PLEKHM3: variants seen among roughly 807,000 people sequenced by gnomAD.
PLEKHM3 encodes the protein pleckstrin homology domain containing M3, also known as pleckstrin homology domain-containing family M member 3.
Under a neutral mutation model 81.8 loss-of-function variants are expected in PLEKHM3, and 45 were observed. The observed-to-expected ratio is 0.55, with a 90% CI of 0.43 to 0.71. PLEKHM3 has a LOEUF of 0.71. PLEKHM3 is among the 30% of genes least tolerant of loss of function. The pLI, the probability that PLEKHM3 is intolerant of heterozygous loss-of-function variation, is 0.00. For synonymous variants in PLEKHM3, 352 were observed against 356.4 expected (o/e 0.99, Z 0.14); for missense variants, 788 against 924.3 (o/e 0.85, Z 1.91).
chr2:207,847,064 C>T (rs1285695767), intron 7 of PLEKHM3, among the ~76,000 whole-genome samples: 2 of 152,220 alleles, frequency 1.3e-5, no homozygotes, highest in African/African-American at 2.4e-5. Flanking sequence ...ATGATCAATA[C>T]AATATTAACC....
At chr2:207,987,426 C>T (rs1691764795) in intron 2 of PLEKHM3, among the ~76,000 whole-genome samples, 1 of 152,154 alleles carries the variant, frequency 6.6e-6, no homozygotes, top group Non-Finnish European at 1.5e-5. Context: ...CCCTTGGTCT[C>T]GAGTAACAAC....
At position 207,976,887 on chromosome 2, in the gene PLEKHM3, C is replaced by T. The variant is rs765459423; in HGVS notation, c.1310G>A (p.Arg437Gln). The T allele has an allele frequency of 1.3e-5, 21 of 1,614,070 alleles. No homozygotes were observed. The highest frequency in any genetic ancestry group is 7.7e-5 in the South Asian group (7 of 91,086). Residue 437 changes from arginine (R) to glutamine (Q), a missense_variant, in exon 3 of 8, where the codon CGA (arginine) becomes CAA (glutamine). Arg to Gln is a conservative substitution (Grantham distance 43, BLOSUM62 1). Transcript: ENST00000427836. The surrounding 1 kb of genome is among the most constrained non-coding windows in gnomAD (Gnocchi z 4.1). ...VIFPQDVLRL[R>Q]AETRQRAQEW... is the part of the protein sequence containing the mutation. ...CTGAGCCCTCTGTCGGGTCTCAGCTCGGAGGCGAAGGACATCCTGGGGGAA... is the reference window on the plus strand; with the variant it reads ...CTGAGCCCTCTGTCGGGTCTCAGCTTGGAGGCGAAGGACATCCTGGGGGAA...
In PLEKHM3 at chr2:207,835,443, A is replaced by G. The variant is rs554181363; in HGVS notation, c.2109-6947T>C. 1.4e-4 allele frequency among the ~76,000 whole-genome samples: 21 copies of G among 152,260 alleles called. No homozygotes were observed. In the South Asian group the frequency reaches 4.4e-3, roughly 32 times the overall value. On this transcript the variant is annotated intron_variant, in intron 7 of 7. Transcript: ENST00000427836. ...GTAAAAGAGAAGCTTGGGTTAATCT[A>G]AAGTTTCTTCCAACTTGCAGATTTT...
intron 6 of PLEKHM3, among the ~76,000 whole-genome samples, chr2:207,887,717 T>C (rs991488882): frequency 2.0e-5 from 3 of 152,192 alleles, no homozygotes; most frequent in African/African-American, 7.2e-5. Flanking sequence ...TATATTAACA[T>C]ATCTAAGCTT....
intron 6 of PLEKHM3, among the ~76,000 whole-genome samples, chr2:207,862,668 T>C (rs1413902451): frequency 6.6e-6 from 1 of 151,950 alleles, no homozygotes; most frequent in Non-Finnish European, 1.5e-5. Flanking sequence ...AAAAAAATAG[T>C]ATCTGAGGGA....
chr2:207,837,022 C>T (rs937687248), intron 7 of PLEKHM3, among the ~76,000 whole-genome samples: 13 of 152,218 alleles, frequency 8.5e-5, no homozygotes, highest in African/African-American at 3.1e-4. Context: ...GCCCCCCATA[C>T]AGCCACTAGC....
At chr2:207,898,870 T>C (rs1197161500) in intron 6 of PLEKHM3, among the ~76,000 whole-genome samples, 1 of 152,098 alleles carries the variant, frequency 6.6e-6, no homozygotes, top group East Asian at 1.9e-4. Context: ...CACTCCAGCC[T>C]GGCCAGCAGA....
At chr2:207,866,455 C>A (rs752765754) in intron 6 of PLEKHM3, among the ~76,000 whole-genome samples, 1 of 152,000 alleles carries the variant, frequency 6.6e-6, no homozygotes, top group Admixed American at 6.6e-5. Flanking sequence ...CTGGGCCTGG[C>A]GAATTCTTAA....
In PLEKHM3 at chr2:207,963,217, C is replaced by T. The variant is rs540344092; in HGVS notation, c.1546+13434G>A. Among the ~76,000 whole-genome samples, 3 of 152,172 alleles carry T rather than the reference C, an allele frequency of 2.0e-5. No homozygotes were observed. The East Asian group carries it at 5.8e-4, about 29-fold the overall frequency. On this transcript the variant is annotated intron_variant, in intron 3 of 7. Coordinates refer to ENST00000427836, the MANE Select transcript of PLEKHM3 (RefSeq NM_001080475.3). ...GGGGGTCGTGCTGGGGATGGCAATA[C>T]TCTGAGGAAGCAACTGCATATGCAA...
intron 1 of PLEKHM3, among the ~76,000 whole-genome samples, chr2:208,018,667 T>C (rs1486914128): frequency 6.6e-6 from 1 of 152,144 alleles, no homozygotes; most frequent in East Asian, 1.9e-4. Flanking sequence ...ATCACCACCA[T>C]CCAGTCTTCT....
rs911763944 is a variant in PLEKHM3, at chr2:208,022,676, C to T, written c.-319+2713G>A. On this transcript the variant is annotated intron_variant, in intron 1 of 7. Transcript: ENST00000427836. ...GAAGCCGCAACACAGTATGTTGAGT[C>T]CTTCCCCTACTTTAAGTCTCTCCAA... 2.0e-5 allele frequency among the ~76,000 whole-genome samples: 3 copies of T among 152,200 alleles called. 1 individual carries two copies. The highest frequency in any genetic ancestry group is 4.8e-5 in the African/African-American group (2 of 41,446).
chr2:207,828,684 T>C (rs1323756975), intron 7 of PLEKHM3, among the ~76,000 whole-genome samples, 188 bp from the exon 8 acceptor site: 1 of 152,220 alleles, frequency 6.6e-6, no homozygotes, highest in East Asian at 1.9e-4. Context: ...TGAATTTCAC[T>C]TGAAAAACAT....
chr2:207,893,230 T>G (rs1438100885), intron 6 of PLEKHM3, among the ~76,000 whole-genome samples: 1 of 152,222 alleles, frequency 6.6e-6, no homozygotes, highest in Admixed American at 6.5e-5. Context: ...CCCCAAAGCC[T>G]TTTGTGGCCA....
rs914734234 is a variant in PLEKHM3, at chr2:207,855,034, C to T, written c.2108+6071G>A. On this transcript the variant is annotated intron_variant, in intron 7 of 7. Transcript: ENST00000427836. ...CCCAGTCAAGGCACAAGTCCAGGAACGGAGGGCTTTAAAAATGTATGCAAA... is the reference window on the plus strand; with the variant it reads ...CCCAGTCAAGGCACAAGTCCAGGAATGGAGGGCTTTAAAAATGTATGCAAA... Among the ~76,000 whole-genome samples the T allele has an allele frequency of 2.6e-5, 4 of 152,140 alleles. No individual in the cohort carries two copies. The East Asian group carries it at 5.8e-4, about 22-fold the overall frequency.
intron 2 of PLEKHM3, among the ~76,000 whole-genome samples, chr2:207,987,205 C>A (rs1691756792): frequency 6.6e-6 from 1 of 152,196 alleles, no homozygotes; most frequent in Admixed American, 6.5e-5. Flanking sequence ...CAGCACTGCA[C>A]TGACAGCCTA....
intron 6 of PLEKHM3, among the ~76,000 whole-genome samples, chr2:207,867,349 T>C (rs1289252426): frequency 6.6e-6 from 1 of 152,244 alleles, no homozygotes; most frequent in East Asian, 1.9e-4. Context: ...CTGAAGCTGC[T>C]GGAATTTTTT....
intron 3 of PLEKHM3, among the ~76,000 whole-genome samples, chr2:207,951,563 C>A (rs1173815915): frequency 6.6e-6 from 1 of 152,162 alleles, no homozygotes; most frequent in African/African-American, 2.4e-5. Flanking sequence ...CACTTCAAAT[C>A]TTTAATGAAC....
At chr2:207,925,992 T>C (rs924513124) in intron 5 of PLEKHM3, among the ~76,000 whole-genome samples, 2 of 151,952 alleles carry the variant, frequency 1.3e-5, no homozygotes, top group Non-Finnish European at 2.9e-5. Flanking sequence ...ACTCTGTTCT[T>C]AATATTTAAT....
At chr2:207,979,141 G>C (rs997489798) in intron 2 of PLEKHM3, among the ~76,000 whole-genome samples, 11 of 152,088 alleles carry the variant, frequency 7.2e-5, no homozygotes, top group Non-Finnish European at 1.5e-5. Flanking sequence ...TACAAGTCAT[G>C]CCATCCGTAA....
Sources: gnomAD v4.1 joint callset for allele counts (sites outside exome capture counted in the v4.1 genomes callset) on GRCh38, gnomAD v4.1.1 for gene constraint, Gnocchi (gnomAD v3.1) non-coding constraint, MANE v1.5 for transcripts, NCBI Gene and HGNC (gene_info 2026-07-23, HGNC 2026-07-21) for gene names.